CACNA1I: variants seen among roughly 807,000 people sequenced by gnomAD.
CACNA1I encodes voltage-dependent T-type calcium channel subunit alpha-1I.
A neutral mutation model predicts 201.6 loss-of-function variants in CACNA1I; 74 were observed. The ratio of observed to expected loss-of-function variants is 0.37; its 90% confidence interval spans 0.30 to 0.45. The LOEUF (loss-of-function observed/expected upper bound fraction) is 0.45, where lower values mean the gene tolerates loss of function less well. CACNA1I is among the 20% of genes least tolerant of loss of function. The probability of loss-of-function intolerance (pLI) is 1.00; values close to 1 mark genes in which losing one functional copy is unlikely to be tolerated. For missense variants in CACNA1I, 2,346 were observed against 3,138.1 expected (o/e 0.75, Z 6.03); for synonymous variants, 1,431 against 1,345.2 (o/e 1.06, Z -1.40).
intron 3 of CACNA1I, among the ~76,000 whole-genome samples, chr22:39,605,979 C>T (rs1248907067): frequency 6.6e-6 from 1 of 152,168 alleles, no homozygotes; most frequent in Non-Finnish European, 1.5e-5. Flanking sequence ...GATGGTATCA[C>T]TGACAAACTC....
Position 39,666,818 on chromosome 22 carries a change from G to A in CACNA1I, c.4104+812G>A, listed in dbSNP as rs910573133. ...AGGGGAGCCACAGGGCCTTGGAGGG[G>A]TAGTGAGTGCCCAGGGAAAGGGTGT... On this transcript the variant is annotated intron_variant, in intron 23 of 36. Transcript: ENST00000402142. This position sits in a 1 kb window ranked among gnomAD's most constrained non-coding sequence, Gnocchi z 4.1. Among the ~76,000 whole-genome samples, 3 of 152,204 alleles carry A rather than the reference G, an allele frequency of 2.0e-5. No individual in the cohort carries two copies. The highest frequency in any genetic ancestry group is 6.5e-5 in the Admixed American group (1 of 15,290).
intron 1 of CACNA1I, among the ~76,000 whole-genome samples, chr22:39,586,210 C>T (rs1367488698): frequency 6.6e-6 from 1 of 151,850 alleles, no homozygotes; most frequent in Non-Finnish European, 1.5e-5. Flanking sequence ...TTTATTCTGG[C>T]TGGGTGTTGT....
In CACNA1I at chr22:39,570,899, C is replaced by G; in HGVS notation, c.147C>G (p.Val49=). ...CTCTGGATGGAGCTGATCCTCATGT[C>G]CCACACCCAGACCTGGCGCCTATTG... is the stretch of plus-strand genomic sequence containing the variant. The part of the protein sequence containing the change: ...EEPLDGADPH[V]PHPDLAPIAF... The change falls in exon 1 of 37, where the codon GTC becomes GTG. Residue 49 remains valine (V), a synonymous_variant. Coordinates refer to ENST00000402142, the MANE Select transcript of CACNA1I (RefSeq NM_021096.4). 1 of 1,613,884 alleles carries G rather than the reference C, an allele frequency of 6.2e-7. No homozygotes were observed. The highest frequency in any genetic ancestry group is 8.5e-7 in the Non-Finnish European group (1 of 1,179,860).
chr22:39,662,841 A>T lies in CACNA1I; in HGVS notation c.3438A>T (p.Glu1146Asp). The T allele has an allele frequency of 1.9e-6, 3 of 1,601,462 alleles. No homozygotes were observed. Among genetic ancestry groups the T allele is most frequent in the Non-Finnish European group, 2.6e-6 (3 of 1,174,532 alleles). Residue 1146 changes from glutamate (E) to aspartate (D), a missense_variant, in exon 18 of 37, where the codon GAA becomes GAT. Glu to Asp is a conservative substitution (Grantham distance 45). Coordinates refer to ENST00000402142, the MANE Select transcript of CACNA1I (RefSeq NM_021096.4). Reference protein sequence around the residue: ...VYKPDWCEVREDWSVYLFSPE... With the variant: ...VYKPDWCEVRDDWSVYLFSPE... Reference sequence around the variant, plus strand: ...AGCCCGACTGGTGCGAGGTCCGCGAAGACTGGTCTGTCTACCTCTTCTCTC... The same window carrying T: ...AGCCCGACTGGTGCGAGGTCCGCGATGACTGGTCTGTCTACCTCTTCTCTC...
At position 39,647,933 on chromosome 22, in the gene CACNA1I, C is replaced by T. The variant is rs1195454943; in HGVS notation, c.1567+7C>T. 1.2e-6 allele frequency: 2 copies of T among 1,612,346 alleles called. No individual in the cohort carries two copies. Among genetic ancestry groups the T allele is most frequent in the Non-Finnish European group, 1.7e-6 (2 of 1,179,432 alleles). ...AATGATCACTCGGGAAGAGGCAAGC[C>T]AGGGCCACGGGAGGTGGGCCCTGCC... On this transcript the variant is annotated splice_region_variant and intron_variant, in intron 9 of 36. Transcript: ENST00000402142.
intron 10 of CACNA1I, among the ~76,000 whole-genome samples, chr22:39,654,302 C>A (rs905835954): frequency 6.6e-6 from 1 of 152,242 alleles, no homozygotes; most frequent in Admixed American, 6.5e-5. Flanking sequence ...CACACCCATG[C>A]AGGCCCTGAC....
At chr22:39,616,929 G>A (rs1217733549) in intron 3 of CACNA1I, among the ~76,000 whole-genome samples, 1 of 152,190 alleles carries the variant, frequency 6.6e-6, no homozygotes, top group Non-Finnish European at 1.5e-5. Context: ...ACTGGGTGGG[G>A]AAGGTGGAGC....
At chr22:39,621,345 G>T (rs1933738045) in intron 4 of CACNA1I, among the ~76,000 whole-genome samples, 1 of 113,640 alleles carries the variant, frequency 8.8e-6, no homozygotes, top group Admixed American at 1.0e-4. Flanking sequence ...AGGTAGTGCT[G>T]TCCCCATTCC....
At chr22:39,663,289 A>G (rs944040780) in intron 18 of CACNA1I, among the ~76,000 whole-genome samples, 1 of 152,192 alleles carries the variant, frequency 6.6e-6, no homozygotes, top group Non-Finnish European at 1.5e-5. Flanking sequence ...GGACATCAGA[A>G]GGCTTCCTGG....
intron 2 of CACNA1I, among the ~76,000 whole-genome samples, chr22:39,599,201 GC>G (rs1932967093): frequency 6.7e-6 from 1 of 148,300 alleles, no homozygotes; most frequent in South Asian, 2.2e-4. Context: ...GCCTGCCTCG[GC>G]CTCCCAAAGT....
chr22:39,587,861 T>A (rs1343937629), intron 1 of CACNA1I: 4 of 341,864 alleles, frequency 1.2e-5, no homozygotes, highest in African/African-American at 9.0e-5. Flanking sequence ...CTGCAACCTC[T>A]GCCTCCTGGG....
At chr22:39,601,328 A>C (rs747556099) in intron 3 of CACNA1I, among the ~76,000 whole-genome samples, 3 of 152,222 alleles carry the variant, frequency 2.0e-5, no homozygotes, top group Non-Finnish European at 2.9e-5. Flanking sequence ...GGAGGCACCC[A>C]CCTGCTACGC....
chr22:39,660,646 CA>C (rs979999576), intron 15 of CACNA1I, among the ~76,000 whole-genome samples: 7 of 152,188 alleles, frequency 4.6e-5, no homozygotes, highest in Non-Finnish European at 7.3e-5. Flanking sequence ...ATTCTAGGCA[CA>C]GGGGTAGCCG....
intron 3 of CACNA1I, among the ~76,000 whole-genome samples, chr22:39,605,679 A>C (rs1237548846): frequency 6.6e-6 from 1 of 152,226 alleles, no homozygotes; most frequent in Non-Finnish European, 1.5e-5. Context: ...GGAAGCATAG[A>C]GAGCCATCAG....
rs895445708 is a variant in CACNA1I at position 39,629,758 on chromosome 22, G to T, written c.581-4807G>T. 6.6e-6 allele frequency among the ~76,000 whole-genome samples: 1 copy of T among 152,120 alleles called. No individual in the cohort carries two copies. The highest frequency in any genetic ancestry group is 1.5e-5 in the Non-Finnish European group (1 of 68,008). On this transcript the variant is annotated intron_variant, in intron 4 of 36. Coordinates refer to ENST00000402142, the MANE Select transcript of CACNA1I (RefSeq NM_021096.4). This position sits in a 1 kb window ranked among gnomAD's most constrained non-coding sequence, Gnocchi z 4.8. Reference sequence around the variant, plus strand: ...GACCACACAGCTGTGGAGCCCACAGGCCTGACCCCCTTTCAGAGATGTGTA... The same window carrying T: ...GACCACACAGCTGTGGAGCCCACAGTCCTGACCCCCTTTCAGAGATGTGTA...
intron 7 of CACNA1I, among the ~76,000 whole-genome samples, chr22:39,643,192 T>C (rs1003239243): frequency 6.6e-5 from 10 of 152,214 alleles, no homozygotes; most frequent in Non-Finnish European, 1.2e-4. Context: ...CTACATTCTT[T>C]GCATGACCTG....
At position 39,686,287 on chromosome 22, in the gene CACNA1I, G is replaced by A; in HGVS notation, c.6554G>A (p.Ser2185Asn). ...ARSPSWAADR[S>N]KDPPGRAPLP... ...AGCCCCTCGTGGGCCGCGGACCGCA[G>A]CAAGGACCCCCCCGGCCGGGCACCG... The change falls in exon 37 of 37, where the codon AGC (serine) becomes AAC (asparagine). Residue 2185 changes from serine to asparagine, a missense_variant. Physicochemically the swap from Ser to Asn is conservative, Grantham distance 46 (BLOSUM62 1). This residue lies in a region of CACNA1I where 187 missense variants were observed against 151.0 expected (regional missense o/e 1.24). Transcript: ENST00000402142. The A allele has an allele frequency of 1.5e-6, 2 of 1,321,166 alleles. No homozygotes were observed. Among genetic ancestry groups the A allele is most frequent in the Non-Finnish European group, 1.9e-6 (2 of 1,031,496 alleles). 81.8% of individuals were successfully genotyped at this position (1,321,166 alleles called of 1,614,324 possible).
In CACNA1I at chr22:39,672,956, C is replaced by T; in HGVS notation, c.4657C>T (p.Gln1553Ter). The T allele has an allele frequency of 6.2e-7, 1 of 1,613,196 alleles. No homozygotes were observed. Among genetic ancestry groups the T allele is most frequent in the Non-Finnish European group, 8.5e-7 (1 of 1,179,422 alleles). The change falls in exon 28 of 37, where the codon CAG (glutamine) becomes TAG (stop). Residue 1553 changes from glutamine to a stop codon, truncating the protein, a stop_gained. Coordinates refer to ENST00000402142, the MANE Select transcript of CACNA1I (RefSeq NM_021096.4). LOFTEE classifies it high-confidence loss of function. Reference protein sequence around the residue: ...LRRFFKDRWNQLDLAIVLLSV... With the variant: ...LRRFFKDRWN ...CCATGCACGGCTGAGCAGATGGAACCAGCTGGACCTGGCCATTGTGCTACT... is the reference window on the plus strand; with the variant it reads ...CCATGCACGGCTGAGCAGATGGAACTAGCTGGACCTGGCCATTGTGCTACT...
Position 39,601,857 on chromosome 22 carries a change from CCTT to C in CACNA1I, c.482+1206_482+1208del, listed in dbSNP as rs1320713776. Among the ~76,000 whole-genome samples the C allele has an allele frequency of 4.5e-4, 17 of 38,054 alleles. 1 individual carries two copies. The highest frequency in any genetic ancestry group is 0.013 in the Middle Eastern group (1 of 76). The allele number at this position is 38,054 out of a possible 152,430, so 25.0% of individuals were successfully genotyped here. Reference sequence around the variant, plus strand: ...TCCTTCCCTCCCTCCCTCCCTCCCTCCTTCCTTCCTTCCTTCCTTCTCTCTCTT... The same window carrying C: ...TCCTTCCCTCCCTCCCTCCCTCCCTCCCTTCCTTCCTTCCTTCTCTCTCTT... On this transcript the variant is annotated intron_variant, in intron 3 of 36. Coordinates refer to ENST00000402142, the MANE Select transcript of CACNA1I (RefSeq NM_021096.4).
Sources: allele counts gnomAD v4.1 joint callset (sites outside exome capture counted in the v4.1 genomes callset), GRCh38; gene constraint gnomAD v4.1.1; regional missense constraint gnomAD v4.1.1; non-coding constraint Gnocchi (gnomAD v3.1); transcripts MANE v1.5; gene names NCBI Gene and HGNC (gene_info 2026-07-23, HGNC 2026-07-21).